ADAM22: variants seen among roughly 807,000 people sequenced by gnomAD.
ADAM22 encodes the protein ADAM metallopeptidase domain 22, also known as disintegrin and metalloproteinase domain-containing protein 22.
Under a neutral mutation model 144.6 loss-of-function variants are expected in ADAM22, and 65 were observed. The observed-to-expected ratio is 0.45, with a 90% CI of 0.37 to 0.55. ADAM22 has a LOEUF of 0.55. ADAM22 is among the 20% of genes least tolerant of loss of function. The pLI, the probability that ADAM22 is intolerant of heterozygous loss-of-function variation, is 0.00. For missense variants in ADAM22, 974 were observed against 1,184.9 expected, an observed-to-expected ratio of 0.82 and a Z score of 2.61; for synonymous variants, 391 against 412.6, an observed-to-expected ratio of 0.95 and a Z score of 0.63.
At chr7:87,946,651 A>G (rs1459769576) in intron 2 of ADAM22, among the ~76,000 whole-genome samples, 1 of 152,250 alleles carries the variant, frequency 6.6e-6, no homozygotes, top group African/African-American at 2.4e-5. Flanking sequence ...GTTGAAGATC[A>G]GATGGCTGGA....
chr7:88,168,406 T>G (rs769171372), intron 25 of ADAM22, 179 bp downstream of exon 25: 8 of 666,652 alleles, frequency 1.2e-5, no homozygotes, highest in Non-Finnish European at 1.7e-5. Context: ...ATAACATCAT[T>G]TTTTAGATTT....
intron 3 of ADAM22, among the ~76,000 whole-genome samples, chr7:88,004,533 C>G (rs1252004331): frequency 6.6e-6 from 1 of 152,176 alleles, no homozygotes; most frequent in Non-Finnish European, 1.5e-5. Context: ...AGGCACTGTT[C>G]CAAGAACTTC....
chr7:87,984,178 G>T (rs2129450112), intron 3 of ADAM22, among the ~76,000 whole-genome samples: 1 of 152,198 alleles, frequency 6.6e-6, no homozygotes, highest in Non-Finnish European at 1.5e-5. Context: ...CTATCCCCAA[G>T]TGTTTCCTTT....
rs577424818 is a variant in ADAM22 at position 87,971,046 on chromosome 7, C to A, written c.247-7290C>A. Among the ~76,000 whole-genome samples the A allele has an allele frequency of 8.9e-4, 135 of 152,142 alleles. 6 individuals are homozygous for A. The South Asian group carries it at 0.027, about 31-fold the overall frequency. ...ATACTTTACCATATCCATGTAATTT[C>A]TTTTCCTTAAGTGACAGACATATAT... is the stretch of plus-strand genomic sequence containing the variant. On this transcript the variant is annotated intron_variant, in intron 2 of 31. Transcript: ENST00000413139.
At chr7:88,051,679 T>A (rs1246374597) in intron 3 of ADAM22, among the ~76,000 whole-genome samples, 7 of 152,000 alleles carry the variant, frequency 4.6e-5, no homozygotes, top group Admixed American at 4.6e-4. Flanking sequence ...GTGCACATGT[T>A]TCCCAGAACT....
intron 3 of ADAM22, among the ~76,000 whole-genome samples, chr7:88,001,997 C>T (rs1351970369): frequency 1.3e-5 from 2 of 151,830 alleles, no homozygotes; most frequent in South Asian, 2.1e-4. Context: ...GGCAAATGTT[C>T]TTGTTCTGCT....
chr7:88,077,329 G>A (rs973097912), intron 4 of ADAM22, among the ~76,000 whole-genome samples: 17 of 152,172 alleles, frequency 1.1e-4, no homozygotes, highest in African/African-American at 4.1e-4. Context: ...AGTTTAAACA[G>A]ACTTTGAAGT....
At chr7:88,153,447 C>A in intron 21 of ADAM22, 121 bp downstream of exon 21, 1 of 707,158 alleles carries the variant, frequency 1.4e-6, no homozygotes, top group South Asian at 2.0e-5. Flanking sequence ...TCCTTAACCT[C>A]ATCTCTTCCC....
intron 3 of ADAM22, among the ~76,000 whole-genome samples, chr7:88,054,128 T>C (rs1807469216): frequency 6.6e-6 from 1 of 151,996 alleles, no homozygotes; most frequent in Non-Finnish European, 1.5e-5. Flanking sequence ...CGAGACTCCA[T>C]CTCAAAAACA....
At chr7:87,960,839 G>T (rs1028123576) in intron 2 of ADAM22, among the ~76,000 whole-genome samples, 5 of 152,150 alleles carry the variant, frequency 3.3e-5, no homozygotes, top group African/African-American at 1.2e-4. Flanking sequence ...AATTTCCTGT[G>T]ATTTGATTTG....
At chr7:88,053,596 GAAAGAAAGAAAGAAAGAAAGAAA>G (rs1563114130) in intron 3 of ADAM22, among the ~76,000 whole-genome samples, 2 of 33,362 alleles carry the variant, frequency 6.0e-5, no homozygotes, top group African/African-American at 1.6e-4. Flanking sequence ...AGGAAGGAAA[GAAAGAAAGAAAGAAAGAAAGAAA>G]GAAAGAAAGA....
chr7:88,016,505 G>A lies in ADAM22; in HGVS notation c.323+38093G>A, dbSNP rs572173951. The stretch of plus-strand genomic sequence containing the variant: ...ATTTTTGAATTAGAATTATTAATGC[G>A]TACCTTATAATTTGTTAAACTTTAT... On this transcript the variant is annotated intron_variant, in intron 3 of 31. Transcript: ENST00000413139. Among the ~76,000 whole-genome samples the A allele has an allele frequency of 3.4e-4, 51 of 152,178 alleles. 1 individual carries two copies. The highest frequency in any genetic ancestry group is 8.5e-4 in the Admixed American group (13 of 15,276).
rs768289143 is a variant in ADAM22 at position 88,108,167 on chromosome 7, T to G, written c.391-9T>G. ...TGCAAAGACTTACATTCTTTATTTCTGTTTTCAGGGAGGAGAGCACTGTTA... is the reference window on the plus strand; with the variant it reads ...TGCAAAGACTTACATTCTTTATTTCGGTTTTCAGGGAGGAGAGCACTGTTA... On this transcript the variant is annotated splice_polypyrimidine_tract_variant and intron_variant, in intron 4 of 31. Transcript: ENST00000413139. The G allele has an allele frequency of 3.1e-6, 5 of 1,608,266 alleles. No individual in the cohort carries two copies. The highest frequency in any genetic ancestry group is 4.2e-6 in the Non-Finnish European group (5 of 1,177,972).
rs192266323 is a variant in ADAM22, at chr7:88,027,571, T to C, written c.324-48055T>C. Among the ~76,000 whole-genome samples the C allele has an allele frequency of 3.1e-3, 466 of 152,342 alleles. 3 individuals carry two copies. The highest frequency in any genetic ancestry group is 0.011 in the African/African-American group (440 of 41,580). ...ATCCTTTGAATTTCTGCAGGATCAATTGACTCTTTTCTCTTTTTTTTCCCC... is the reference window on the plus strand; with the variant it reads ...ATCCTTTGAATTTCTGCAGGATCAACTGACTCTTTTCTCTTTTTTTTCCCC... On this transcript the variant is annotated intron_variant, in intron 3 of 31. Transcript: ENST00000413139.
At chr7:88,085,720 G>A (rs753435444) in intron 4 of ADAM22, among the ~76,000 whole-genome samples, 4 of 152,030 alleles carry the variant, frequency 2.6e-5, no homozygotes, top group Non-Finnish European at 5.9e-5. Flanking sequence ...AATAAAGCTC[G>A]GCCAGCTGTT....
At chr7:88,081,596 T>C (rs901906437) in intron 4 of ADAM22, among the ~76,000 whole-genome samples, 2 of 150,144 alleles carry the variant, frequency 1.3e-5, no homozygotes, top group Non-Finnish European at 3.0e-5. Context: ...AAAACCCCAT[T>C]GTCTCAGCCC....
chr7:88,162,439 G>A (rs533576236), intron 22 of ADAM22, among the ~76,000 whole-genome samples: 25 of 152,052 alleles, frequency 1.6e-4, no homozygotes, highest in African/African-American at 6.0e-4. Flanking sequence ...CTCATGACAT[G>A]AGTTTACCTA....
At chr7:87,992,721 C>T (rs1278310788) in intron 3 of ADAM22, among the ~76,000 whole-genome samples, 1 of 151,958 alleles carries the variant, frequency 6.6e-6, no homozygotes, top group Non-Finnish European at 1.5e-5. Flanking sequence ...AAAAGTCTGA[C>T]TCAAGTATCT....
Position 88,014,182 on chromosome 7 carries a change from A to G in ADAM22, c.323+35770A>G, listed in dbSNP as rs146846194. On this transcript the variant is annotated intron_variant, in intron 3 of 31. Transcript: ENST00000413139. ...TGGAAAACACTCCTCTAAGCTGATG[A>G]ATAACATGTAGCTGTATACTGATTT... 2.6e-4 allele frequency among the ~76,000 whole-genome samples: 39 copies of G among 152,310 alleles called. No individual in the cohort carries two copies. In the South Asian group the frequency reaches 5.0e-3, roughly 19 times the overall value.
Sources: gnomAD v4.1 joint callset for allele counts (sites outside exome capture counted in the v4.1 genomes callset) on GRCh38, gnomAD v4.1.1 for gene constraint, MANE v1.5 for transcripts, NCBI Gene and HGNC (gene_info 2026-07-23, HGNC 2026-07-21) for gene names.